The following FBXL20 variants were observed in gnomAD, a reference collection of about 807,000 sequenced individuals.
The protein encoded by FBXL20 is F-box/LRR-repeat protein 20.
A neutral mutation model predicts 64.0 loss-of-function variants in FBXL20; 11 were observed. The observed-to-expected ratio is 0.17, with a 90% CI of 0.11 to 0.28. The LOEUF is 0.28. FBXL20 is among the 10% of genes least tolerant of loss of function. The probability of loss-of-function intolerance (pLI) is 1.00; values close to 1 mark genes in which losing one functional copy is unlikely to be tolerated. For missense variants in FBXL20, 303 were observed against 526.2 expected (o/e 0.58, Z 4.15); for synonymous variants, 184 against 189.0 (o/e 0.97, Z 0.22).
In FBXL20 at chr17:39,371,125, G is replaced by A. The variant is rs145226958; in HGVS notation, c.43-27884C>T. Among the ~76,000 whole-genome samples, 1,432 of 152,242 alleles carry A rather than the reference G, an allele frequency of 9.4e-3. 20 individuals carry two copies. Among genetic ancestry groups the A allele is most frequent in the African/African-American group, 0.033 (1,355 of 41,544 alleles). On this transcript the variant is annotated intron_variant, in intron 1 of 14. Transcript: ENST00000264658. ...CCGAGCTACTAAGGAGGCTGAGGCA[G>A]GAGAATCACTTGAACCTGGGAGGCG...
intron 1 of FBXL20, among the ~76,000 whole-genome samples, chr17:39,363,810 C>CAAAAAAAAAAAAAAAAA (rs71372113): frequency 7.5e-5 from 2 of 26,672 alleles, no homozygotes; most frequent in Non-Finnish European, 1.3e-4. Context: ...GACTTTATCT[C>CAAAAAAAAAAAAAAAAA]AAAAAAAAAA....
intron 1 of FBXL20, among the ~76,000 whole-genome samples, chr17:39,370,645 A>G (rs1388642371): frequency 6.6e-6 from 1 of 150,428 alleles, no homozygotes; most frequent in Non-Finnish European, 1.5e-5. Context: ...AATACAAAAA[A>G]TTAGCCGGGC....
At chr17:39,399,173 A>AT (rs1359437136) in intron 1 of FBXL20, among the ~76,000 whole-genome samples, 2 of 151,420 alleles carry the variant, frequency 1.3e-5, no homozygotes, top group Non-Finnish European at 2.9e-5. Flanking sequence ...GAAATTAGCT[A>AT]TTATGTGATA....
At chr17:39,352,603 C>A (rs1302868956) in intron 1 of FBXL20, among the ~76,000 whole-genome samples, 7 of 151,038 alleles carry the variant, frequency 4.6e-5, no homozygotes, top group Admixed American at 3.3e-4. Context: ...ATTGCTTAAA[C>A]CCTGGAGGCG....
chr17:39,286,658 C>T (rs2046990630), intron 6 of FBXL20, among the ~76,000 whole-genome samples: 2 of 151,942 alleles, frequency 1.3e-5, no homozygotes, highest in Admixed American at 6.6e-5. Context: ...ATTAGCTGAG[C>T]GTGGTGGCAC....
At chr17:39,372,099 ATTTC>A (rs1404838597) in intron 1 of FBXL20, among the ~76,000 whole-genome samples, 1 of 151,940 alleles carries the variant, frequency 6.6e-6, no homozygotes, top group African/African-American at 2.4e-5. Context: ...GTCATTTACT[ATTTC>A]TTTCTCTTTT....
At chr17:39,401,697 G>A, upstream of FBXL20, 1 of 1,140,518 alleles carries the variant, frequency 8.8e-7, no homozygotes, top group Non-Finnish European at 1.1e-6. Context: ...ATTGGACAGA[G>A]CCGCCCGGGC....
At chr17:39,268,628 T>C (rs147075511) in intron 12 of FBXL20, among the ~76,000 whole-genome samples, 199 bp downstream of exon 12, 206 of 152,286 alleles carry the variant, frequency 1.4e-3, no homozygotes, top group Admixed American at 3.2e-3. Context: ...GCAACCTGAT[T>C]GATGGCATAT....
intron 2 of FBXL20, among the ~76,000 whole-genome samples, chr17:39,326,392 G>A (rs2047408989): frequency 6.6e-6 from 1 of 151,828 alleles, no homozygotes; most frequent in African/African-American, 2.4e-5. Flanking sequence ...AGGTACAGTG[G>A]CTCATACCTG....
upstream of FBXL20, chr17:39,402,302 C>G: frequency 1.1e-6 from 1 of 921,204 alleles, no homozygotes. Context: ...CGCCGCCTCC[C>G]CCGCCTCCCC....
At chr17:39,277,299 T>G (rs2046906838) in intron 9 of FBXL20, among the ~76,000 whole-genome samples, 1 of 152,116 alleles carries the variant, frequency 6.6e-6, no homozygotes, top group Non-Finnish European at 1.5e-5. Context: ...AGCCGAGATG[T>G]AAAGAGGGAA....
chr17:39,401,764 C>G, upstream of FBXL20: 3 of 1,041,464 alleles, frequency 2.9e-6, no homozygotes, highest in Non-Finnish European at 3.5e-6. Context: ...GGCGGCGGCG[C>G]GAGACCACCC....
intron 3 of FBXL20, among the ~76,000 whole-genome samples, chr17:39,301,715 G>A (rs1488535834): frequency 2.0e-5 from 3 of 150,248 alleles, no homozygotes; most frequent in Non-Finnish European, 4.4e-5. Flanking sequence ...GCGACAGAGC[G>A]AAACTTCATC....
intron 3 of FBXL20, 127 bp from the exon 4 acceptor site, chr17:39,301,202 C>A: frequency 1.4e-6 from 1 of 709,514 alleles, no homozygotes. Context: ...AGGCCCTATC[C>A]ACTTACTCCC....
chr17:39,315,862 A>C (rs1428963375), intron 2 of FBXL20, among the ~76,000 whole-genome samples: 1 of 127,342 alleles, frequency 7.9e-6, no homozygotes, highest in Non-Finnish European at 1.6e-5. Context: ...AGAGAGAGAG[A>C]GAGAGAGAGC....
intron 1 of FBXL20, among the ~76,000 whole-genome samples, chr17:39,394,982 T>A (rs2048169158): frequency 6.6e-6 from 1 of 152,132 alleles, no homozygotes; most frequent in Non-Finnish European, 1.5e-5. Flanking sequence ...CTTATAAATT[T>A]GCAAGAAAAG....
chr17:39,331,791 A>G (rs1172315014), intron 2 of FBXL20, among the ~76,000 whole-genome samples: 2 of 152,238 alleles, frequency 1.3e-5, no homozygotes, highest in African/African-American at 2.4e-5. Flanking sequence ...CTAAATGACT[A>G]AATCTGTTTG....
At chr17:39,319,858 C>T (rs1044714149) in intron 2 of FBXL20, among the ~76,000 whole-genome samples, 2 of 151,936 alleles carry the variant, frequency 1.3e-5, no homozygotes, top group African/African-American at 4.8e-5. Context: ...GCAATCCTCC[C>T]ACGCCAACTT....
intron 14 of FBXL20, chr17:39,263,916 C>A: frequency 2.8e-6 from 1 of 363,374 alleles, no homozygotes. Flanking sequence ...GTTATTAAGC[C>A]CTAGACATTA....
Sources: allele counts gnomAD v4.1 joint callset (sites outside exome capture counted in the v4.1 genomes callset), GRCh38; gene constraint gnomAD v4.1.1; transcripts MANE v1.5; gene names NCBI Gene and HGNC (gene_info 2026-07-23, HGNC 2026-07-21).